PDLIM5: variants seen among roughly 807,000 people sequenced by gnomAD.
PDLIM5 encodes PDZ and LIM domain protein 5.
A neutral mutation model predicts 64.2 loss-of-function variants in PDLIM5; 34 were observed. That is an observed-to-expected ratio of 0.53 (90% CI 0.40 to 0.71). The LOEUF (loss-of-function observed/expected upper bound fraction) is 0.71. Ranked by LOEUF, PDLIM5 falls within the 30% of genes least tolerant of loss-of-function variation. The pLI, the probability that PDLIM5 is intolerant of heterozygous loss-of-function variation, is 0.00. For missense variants in PDLIM5, 683 were observed against 733.6 expected, an observed-to-expected ratio of 0.93 and a Z score of 0.80; for synonymous variants, 253 against 269.1, an observed-to-expected ratio of 0.94 and a Z score of 0.59.
At chr4:94,531,938 G>T (rs911243135) in intron 3 of PDLIM5, among the ~76,000 whole-genome samples, 3 of 151,884 alleles carry the variant, frequency 2.0e-5, no homozygotes, top group African/African-American at 4.8e-5. Flanking sequence ...AAAGGAAAAA[G>T]GGGGGGAAAG....
intron 3 of PDLIM5, among the ~76,000 whole-genome samples, chr4:94,534,830 G>T (rs1015644670): frequency 2.0e-5 from 3 of 152,076 alleles, no homozygotes; most frequent in Non-Finnish European, 4.4e-5. Flanking sequence ...AGCGAGGGAA[G>T]TCAGGTAGGT....
At chr4:94,574,566 C>T (rs768971409) in intron 4 of PDLIM5, among the ~76,000 whole-genome samples, 5 of 151,422 alleles carry the variant, frequency 3.3e-5, no homozygotes, top group Non-Finnish European at 5.9e-5. Context: ...GTAGAACCAC[C>T]ATTGTATGAT....
intron 7 of PDLIM5, among the ~76,000 whole-genome samples, chr4:94,593,460 C>A (rs377346741): frequency 1.3e-5 from 2 of 152,032 alleles, no homozygotes; most frequent in African/African-American, 4.8e-5. Context: ...CCTTTCCTAA[C>A]GGTTGTGTAT....
rs184564789 is a variant in PDLIM5, at chr4:94,604,456, A to G, written c.921-13548A>G. On this transcript the variant is annotated intron_variant, in intron 7 of 12. Coordinates refer to ENST00000317968, the MANE Select transcript of PDLIM5 (RefSeq NM_006457.5). ...CGAGACCAGCCTGACCAACATGGAG[A>G]AACCCCGTCTCTACTAAAAACACAA... 1.1e-3 allele frequency among the ~76,000 whole-genome samples: 164 copies of G among 152,228 alleles called. 1 individual carries two copies. The highest frequency in any genetic ancestry group is 2.2e-3 in the Admixed American group (33 of 15,296).
intron 3 of PDLIM5, among the ~76,000 whole-genome samples, chr4:94,555,816 G>A (rs1288767549): frequency 6.6e-6 from 1 of 151,842 alleles, no homozygotes. Context: ...TGTGAGGTAG[G>A]TGGTATTAAC....
chr4:94,553,869 A>G (rs964423143), intron 3 of PDLIM5, among the ~76,000 whole-genome samples: 1 of 152,146 alleles, frequency 6.6e-6, no homozygotes, highest in Non-Finnish European at 1.5e-5. Flanking sequence ...AGGATGAATA[A>G]ATTTGGTAAG....
chr4:94,566,541 G>C (rs1175486998), intron 3 of PDLIM5, among the ~76,000 whole-genome samples: 2 of 152,150 alleles, frequency 1.3e-5, no homozygotes, highest in Non-Finnish European at 2.9e-5. Flanking sequence ...CACCAGATAT[G>C]TTACATACAT....
At chr4:94,579,540 T>C in intron 5 of PDLIM5, 1 of 1,368,790 alleles carries the variant, frequency 7.3e-7, no homozygotes, top group Non-Finnish European at 1.0e-6. Flanking sequence ...GTGACAAAGT[T>C]AGTATCCACA....
chr4:94,544,595 C>A (rs1191155772), intron 3 of PDLIM5, among the ~76,000 whole-genome samples: 1 of 152,174 alleles, frequency 6.6e-6, no homozygotes, highest in Admixed American at 6.5e-5. Flanking sequence ...ACTGTGATGG[C>A]ATGCTAATTT....
At chr4:94,468,043 A>G (rs1197334414) in intron 2 of PDLIM5, among the ~76,000 whole-genome samples, 1 of 152,248 alleles carries the variant, frequency 6.6e-6, no homozygotes, top group Non-Finnish European at 1.5e-5. Flanking sequence ...TGTTAAGACC[A>G]ATGCAAAGTT....
chr4:94,453,460 G>A (rs1029730780), intron 1 of PDLIM5, among the ~76,000 whole-genome samples: 3 of 152,154 alleles, frequency 2.0e-5, no homozygotes, highest in Admixed American at 1.3e-4. Context: ...AGAGAAGTTA[G>A]GAAGGGAATC....
rs61675663 is a variant in PDLIM5 at position 94,494,432 on chromosome 4, G to GTTTT, written c.97-29271_97-29268dup. On this transcript the variant is annotated intron_variant, in intron 2 of 12. Transcript: ENST00000317968. ...AGCATTCACTAATTTTTTTTTTCTT[G>GTTTT]TTTTTTTTTTTTTTTTTTTTTTTTG... 5.4e-4 allele frequency among the ~76,000 whole-genome samples: 38 copies of GTTTT among 70,770 alleles called. 2 individuals carry two copies. The highest frequency in any genetic ancestry group is 1.5e-3 in the East Asian group (3 of 2,038). The allele number at this position is 70,770 out of a possible 152,430, so 46.4% of individuals were successfully genotyped here. A position where few individuals can be genotyped will look rare whatever the true frequency, so the allele number is the denominator to read the frequency against.
chr4:94,657,691 A>T, intron 11 of PDLIM5, 144 bp downstream of exon 11: 1 of 550,748 alleles, frequency 1.8e-6, no homozygotes, highest in African/African-American at 1.9e-5. Flanking sequence ...CTAAGCATGT[A>T]GAAAAAACTA....
Position 94,585,718 on chromosome 4 carries a change from G to C in PDLIM5, c.864G>C (p.Gln288His), listed in dbSNP as rs770979082. Reference sequence around the variant, plus strand: ...CTCGCTCTTTCCGAATCCTTGCCCAGATCACTGGGACTGAACATTGTAAGT... The same window carrying C: ...CTCGCTCTTTCCGAATCCTTGCCCACATCACTGGGACTGAACATTGTAAGT... ...TQSRSFRILA[Q>H]ITGTEHLKES... is the part of the protein sequence containing the mutation. Residue 288 changes from glutamine to histidine, a missense_variant, in exon 6 of 13, where the codon CAG (glutamine) becomes CAC (histidine). By Grantham distance (24) the Gln-to-His change is conservative (BLOSUM62 0). Coordinates refer to ENST00000317968, the MANE Select transcript of PDLIM5 (RefSeq NM_006457.5). 3.1e-6 allele frequency: 5 copies of C among 1,613,622 alleles called. No homozygotes were observed. Among genetic ancestry groups the C allele is most frequent in the South Asian group, 1.1e-5 (1 of 91,052 alleles).
At position 94,618,101 on chromosome 4, in the gene PDLIM5, G is replaced by A; in HGVS notation, c.1018G>A (p.Val340Ile). Reference sequence around the variant, plus strand: ...CAGCCCAACCTCTGGCAGACCAGGGGTTACCAGCCTCACAGCTGCAGCTGC... The same window carrying A: ...CAGCCCAACCTCTGGCAGACCAGGGATTACCAGCCTCACAGCTGCAGCTGC... ...LDSPTSGRPG[V>I]TSLTAAAAFK... Residue 340 changes from valine to isoleucine, a missense_variant, in exon 8 of 13, where the codon GTT (valine) becomes ATT (isoleucine). Physicochemically the swap from Val to Ile is conservative, Grantham distance 29. Transcript: ENST00000317968. The A allele has an allele frequency of 6.2e-7, 1 of 1,612,152 alleles. No homozygotes were observed. Among genetic ancestry groups the A allele is most frequent in the South Asian group, 1.1e-5 (1 of 90,624 alleles).
intron 7 of PDLIM5, among the ~76,000 whole-genome samples, chr4:94,603,182 T>C (rs1346635998): frequency 2.0e-5 from 3 of 152,142 alleles, no homozygotes; most frequent in African/African-American, 7.2e-5. Context: ...TTAAGCACTT[T>C]GGGTATTATC....
At chr4:94,528,082 C>A (rs1730534310) in intron 3 of PDLIM5, among the ~76,000 whole-genome samples, 1 of 152,180 alleles carries the variant, frequency 6.6e-6, no homozygotes, top group Non-Finnish European at 1.5e-5. Flanking sequence ...CTCCAGATCA[C>A]CACCACTCAT....
intron 8 of PDLIM5, among the ~76,000 whole-genome samples, chr4:94,619,083 A>G (rs987493012): frequency 6.6e-6 from 1 of 152,152 alleles, no homozygotes; most frequent in Non-Finnish European, 1.5e-5. Flanking sequence ...GAAAATAACC[A>G]TTTCCTATCT....
At position 94,494,432 on chromosome 4, in the gene PDLIM5, G is replaced by GT. The variant is rs61675663; in HGVS notation, c.97-29268dup. ...AGCATTCACTAATTTTTTTTTTCTT[G>GT]TTTTTTTTTTTTTTTTTTTTTTTTG... On this transcript the variant is annotated intron_variant, in intron 2 of 12. Coordinates refer to ENST00000317968, the MANE Select transcript of PDLIM5 (RefSeq NM_006457.5). Among the ~76,000 whole-genome samples, 487 of 70,772 alleles carry GT rather than the reference G, an allele frequency of 6.9e-3. 12 individuals carry two copies. Among genetic ancestry groups the GT allele is most frequent in the African/African-American group, 0.011 (252 of 22,640 alleles). 46.4% of individuals were successfully genotyped at this position (70,772 alleles called of 152,430 possible). A position where few individuals can be genotyped will look rare whatever the true frequency, so the allele number is the denominator to read the frequency against.
Sources: gnomAD v4.1 joint callset for allele counts (sites outside exome capture counted in the v4.1 genomes callset) on GRCh38, gnomAD v4.1.1 for gene constraint, MANE v1.5 for transcripts, NCBI Gene and HGNC (gene_info 2026-07-23, HGNC 2026-07-21) for gene names.